The following ZCWPW2 variants were observed in gnomAD, a reference collection of about 807,000 sequenced individuals.
ZCWPW2 encodes zinc finger CW-type PWWP domain protein 2.
A neutral mutation model predicts 46.6 loss-of-function variants in ZCWPW2; 45 were observed. The observed-to-expected ratio is 0.96, with a 90% CI of 0.76 to 1.24. The LOEUF is 1.24. Ranked by LOEUF, ZCWPW2 falls within the 50% of genes most tolerant of loss-of-function variation. The pLI, the probability that ZCWPW2 is intolerant of heterozygous loss-of-function variation, is 0.00. For missense variants in ZCWPW2, 429 were observed against 403.9 expected (o/e 1.06, Z -0.53); for synonymous variants, 152 against 137.1 (o/e 1.11, Z -0.76).
At chr3:28,349,454 G>A (rs1394559677) in intron 1 of ZCWPW2, among the ~76,000 whole-genome samples, 1 of 152,172 alleles carries the variant, frequency 6.6e-6, no homozygotes, top group Non-Finnish European at 1.5e-5. Flanking sequence ...ATCACTTGAG[G>A]CACAAGCTCG....
chr3:28,413,269 A>G lies in ZCWPW2; in HGVS notation c.201A>G (p.Arg67=). Residue 67 remains arginine, a synonymous_variant, in exon 3 of 10, where the codon AGA becomes AGG. Coordinates refer to ENST00000383768, the MANE Select transcript of ZCWPW2 (RefSeq NM_001040432.4). The part of the protein sequence containing the change: ...PWYCFMNTDS[R]YNNCSISEED... ...ACTGCTTCATGAACACTGATTCAAGATATAATAACTGCTCAATTTCTGAAG... is the reference window on the plus strand; with the variant it reads ...ACTGCTTCATGAACACTGATTCAAGGTATAATAACTGCTCAATTTCTGAAG... 3 of 1,613,376 alleles carry G rather than the reference A, an allele frequency of 1.9e-6. No homozygotes were observed. Among genetic ancestry groups the G allele is most frequent in the Non-Finnish European group, 2.5e-6 (3 of 1,179,556 alleles).
At chr3:28,506,004 A>G (rs1700264905) in intron 6 of ZCWPW2, among the ~76,000 whole-genome samples, 1 of 150,320 alleles carries the variant, frequency 6.7e-6, no homozygotes, top group African/African-American at 2.4e-5. Flanking sequence ...AGTTCTATGG[A>G]TTTTCTGTCC....
At chr3:28,432,936 G>C (rs1332418581) in intron 3 of ZCWPW2, among the ~76,000 whole-genome samples, 1 of 152,026 alleles carries the variant, frequency 6.6e-6, no homozygotes, top group Non-Finnish European at 1.5e-5. Context: ...AATCCTTATT[G>C]ATCAAATATC....
intron 1 of ZCWPW2, among the ~76,000 whole-genome samples, chr3:28,368,830 C>T (rs1421826599): frequency 6.6e-6 from 1 of 152,178 alleles, no homozygotes; most frequent in African/African-American, 2.4e-5. Context: ...TCACATAGTT[C>T]CATATTTCTT....
chr3:28,374,296 A>C (rs1212324155), intron 1 of ZCWPW2, among the ~76,000 whole-genome samples: 1 of 152,116 alleles, frequency 6.6e-6, no homozygotes, highest in African/African-American at 2.4e-5. Context: ...AAATGAGCTG[A>C]GTGTAAATAG....
intron 6 of ZCWPW2, among the ~76,000 whole-genome samples, chr3:28,499,526 T>G (rs1430029002): frequency 6.6e-6 from 1 of 152,156 alleles, no homozygotes; most frequent in Non-Finnish European, 1.5e-5. Context: ...TTTGTTTAAG[T>G]TCCTTGTAGA....
chr3:28,481,491 C>T (rs752754177), intron 5 of ZCWPW2, among the ~76,000 whole-genome samples: 6 of 152,146 alleles, frequency 3.9e-5, no homozygotes, highest in Non-Finnish European at 8.8e-5. Flanking sequence ...GATCCACCCA[C>T]CTCAGCCTCC....
chr3:28,485,444 T>G (rs1699568402), intron 5 of ZCWPW2, among the ~76,000 whole-genome samples: 1 of 152,164 alleles, frequency 6.6e-6, no homozygotes, highest in Non-Finnish European at 1.5e-5. Flanking sequence ...TGAGTGCAAC[T>G]GTGTCTTTTT....
At position 28,349,107 on chromosome 3, in the gene ZCWPW2, A is replaced by G. The variant is rs898518225; in HGVS notation, c.-230A>G. On this transcript the variant is annotated 5_prime_UTR_variant, in exon 1 of 10. Coordinates refer to ENST00000383768, the MANE Select transcript of ZCWPW2 (RefSeq NM_001040432.4). ...TTCGGTCGTGGGGGTGGGGAAGTGC[A>G]GGAGTGGCGCGCGGCGTACTACATG... The G allele has an allele frequency of 1.3e-5, 13 of 985,546 alleles. No homozygotes were observed. The highest frequency in any genetic ancestry group is 1.6e-5 in the Non-Finnish European group (13 of 830,138). 61.1% of individuals were successfully genotyped at this position (985,546 alleles called of 1,614,324 possible). A position where few individuals can be genotyped will look rare whatever the true frequency, so the allele number is the denominator to read the frequency against.
At chr3:28,460,567 A>G (rs569040144) in intron 4 of ZCWPW2, among the ~76,000 whole-genome samples, 49 of 152,336 alleles carry the variant, frequency 3.2e-4, no homozygotes, top group African/African-American at 1.2e-3. Context: ...GAGGCTAACT[A>G]AATCTATGGA....
chr3:28,446,647 A>AGAAGGAAG (rs1698001263), intron 4 of ZCWPW2, among the ~76,000 whole-genome samples: 1 of 152,090 alleles, frequency 6.6e-6, no homozygotes, highest in Non-Finnish European at 1.5e-5. Context: ...CAAAGCTACT[A>AGAAGGAAG]GAAGGAAGGA....
chr3:28,359,402 G>A (rs946639978), intron 1 of ZCWPW2, among the ~76,000 whole-genome samples: 5 of 152,002 alleles, frequency 3.3e-5, no homozygotes, highest in Admixed American at 1.3e-4. Flanking sequence ...TCTATGCAAC[G>A]AAGCAGAAGA....
chr3:28,361,123 C>G (rs555764564), intron 1 of ZCWPW2, among the ~76,000 whole-genome samples: 3 of 152,172 alleles, frequency 2.0e-5, no homozygotes, highest in East Asian at 3.9e-4. Context: ...TGGAAATGCT[C>G]TGGTCTCAAG....
chr3:28,489,662 ACGCG>A lies in ZCWPW2; in HGVS notation c.611-2461_611-2458del, dbSNP rs749223593. On this transcript the variant is annotated intron_variant, in intron 5 of 9. Transcript: ENST00000383768. ...TTCTTTCTCTCTCTTTCACACACAC[ACGCG>A]CGCACACACACACACACACACACAC... 3.7e-3 allele frequency among the ~76,000 whole-genome samples: 242 copies of A among 66,248 alleles called. 3 individuals carry two copies. Among genetic ancestry groups the A allele is most frequent in the African/African-American group, 0.011 (226 of 20,676 alleles). The allele number at this position is 66,248 out of a possible 152,430, so 43.5% of individuals were successfully genotyped here.
In ZCWPW2 at chr3:28,377,711, G is replaced by A. The variant is rs181174141; in HGVS notation, c.-133-12787G>A. On this transcript the variant is annotated intron_variant, in intron 1 of 9. Transcript: ENST00000383768. Reference sequence around the variant, plus strand: ...CCATATAATTTTTTATTTATAATGCGACTGTATTTGAAGACAGTCTGAAGA... The same window carrying A: ...CCATATAATTTTTTATTTATAATGCAACTGTATTTGAAGACAGTCTGAAGA... 2.6e-3 allele frequency among the ~76,000 whole-genome samples: 393 copies of A among 152,018 alleles called. 2 individuals are homozygous for A. Among genetic ancestry groups the A allele is most frequent in the African/African-American group, 8.9e-3 (371 of 41,500 alleles).
At chr3:28,413,034 T>G in intron 2 of ZCWPW2, 22 bp from the exon 3 acceptor site, 1 of 1,557,252 alleles carries the variant, frequency 6.4e-7, no homozygotes. Context: ...ATTCTGTTAT[T>G]TTCCTCTTTC....
intron 8 of ZCWPW2, among the ~76,000 whole-genome samples, chr3:28,518,936 A>G (rs1700650056): frequency 6.6e-6 from 1 of 152,230 alleles, no homozygotes; most frequent in African/African-American, 2.4e-5. Flanking sequence ...TTTATTAACA[A>G]AAGTGCTTCA....
At chr3:28,350,657 T>C (rs940971312) in intron 1 of ZCWPW2, among the ~76,000 whole-genome samples, 1 of 148,940 alleles carries the variant, frequency 6.7e-6, no homozygotes, top group Non-Finnish European at 1.5e-5. Context: ...ATGGTCACTT[T>C]CCACCCTGTA....
intron 1 of ZCWPW2, among the ~76,000 whole-genome samples, chr3:28,362,263 A>G (rs1031475168): frequency 6.6e-6 from 1 of 152,136 alleles, no homozygotes; most frequent in Non-Finnish European, 1.5e-5. Context: ...ATAGTTGACA[A>G]TACTGTACAC....
Sources: allele counts gnomAD v4.1 joint callset (sites outside exome capture counted in the v4.1 genomes callset), GRCh38; gene constraint gnomAD v4.1.1; transcripts MANE v1.5; gene names NCBI Gene and HGNC (gene_info 2026-07-23, HGNC 2026-07-21).